The following BABAM2 variants were observed in gnomAD, a reference collection of about 807,000 sequenced individuals.
The protein encoded by BABAM2 is BRISC and BRCA1-A complex member 2.
A neutral mutation model predicts 54.7 loss-of-function variants in BABAM2; 31 were observed. That is an observed-to-expected ratio of 0.57 (90% CI 0.43 to 0.77). The LOEUF (loss-of-function observed/expected upper bound fraction) is 0.77, where lower values mean the gene tolerates loss of function less well. BABAM2 is among the 30% of genes least tolerant of loss of function. BABAM2 has a pLI of 0.00. For missense variants in BABAM2, 364 were observed against 455.8 expected, an observed-to-expected ratio of 0.80 and a Z score of 1.83; for synonymous variants, 167 against 162.9, an observed-to-expected ratio of 1.03 and a Z score of -0.19.
intron 10 of BABAM2, among the ~76,000 whole-genome samples, chr2:28,259,106 T>TTTTTTTC (rs1553352395): frequency 2.7e-5 from 3 of 109,634 alleles, no homozygotes; most frequent in Non-Finnish European, 3.8e-5. Flanking sequence ...TTTTTTTTTT[T>TTTTTTTC]CAGACTGAGT....
chr2:28,147,303 T>G (rs1334375236), intron 7 of BABAM2, among the ~76,000 whole-genome samples: 1 of 152,218 alleles, frequency 6.6e-6, no homozygotes, highest in Non-Finnish European at 1.5e-5. Flanking sequence ...AATGTTCTTT[T>G]ACATCATTTG....
chr2:27,889,786 T>G (rs1664671606), upstream of BABAM2, among the ~76,000 whole-genome samples: 1 of 152,234 alleles, frequency 6.6e-6, no homozygotes, highest in Non-Finnish European at 1.5e-5. Context: ...CATTATTTTA[T>G]ACAATAAGCT....
At chr2:28,224,794 T>A (rs1334549858) in intron 7 of BABAM2, among the ~76,000 whole-genome samples, 1 of 147,698 alleles carries the variant, frequency 6.8e-6, no homozygotes, top group African/African-American at 2.5e-5. Context: ...CACCACATTG[T>A]TAGCACGATA....
chr2:28,199,211 G>A (rs1677981227), intron 7 of BABAM2, among the ~76,000 whole-genome samples: 1 of 152,240 alleles, frequency 6.6e-6, no homozygotes, highest in African/African-American at 2.4e-5. Context: ...CCAGAAGCAA[G>A]GTGGCGTGTG....
At chr2:28,233,290 C>G (rs1478739642) in intron 7 of BABAM2, 1 of 471,072 alleles carries the variant, frequency 2.1e-6, no homozygotes, top group Admixed American at 2.3e-5. Context: ...TCAGGCCCTG[C>G]CTTCTCTTCA....
At chr2:27,989,496 A>T (rs966895426) in intron 4 of BABAM2, among the ~76,000 whole-genome samples, 4 of 152,210 alleles carry the variant, frequency 2.6e-5, no homozygotes, top group Admixed American at 6.5e-5. Context: ...TGTATTTCAG[A>T]AGGCACTGAC....
chr2:28,145,812 G>A (rs990026682), intron 7 of BABAM2, among the ~76,000 whole-genome samples: 7 of 152,148 alleles, frequency 4.6e-5, no homozygotes, highest in Admixed American at 4.6e-4. Context: ...GACATTTTAT[G>A]TAAGTGGAAT....
intron 11 of BABAM2, among the ~76,000 whole-genome samples, chr2:28,311,178 G>A (rs1487204384): frequency 4.0e-5 from 6 of 148,386 alleles, no homozygotes; most frequent in South Asian, 4.3e-4. Flanking sequence ...GGAGAATGGC[G>A]TGAACCCGGG....
chr2:27,936,915 T>A (rs112763076), intron 3 of BABAM2, among the ~76,000 whole-genome samples: 11,174 of 152,074 alleles, frequency 0.073, 674 homozygotes, highest in African/African-American at 0.16. Flanking sequence ...AACCTGCACA[T>A]TGTGTACATG....
chr2:28,188,180 T>C (rs937460669), intron 7 of BABAM2, among the ~76,000 whole-genome samples: 1 of 152,154 alleles, frequency 6.6e-6, no homozygotes, highest in African/African-American at 2.4e-5. Flanking sequence ...TCTAGAAGGC[T>C]CCCATGCCAT....
At chr2:28,269,541 G>C (rs1051680828) in intron 10 of BABAM2, among the ~76,000 whole-genome samples, 2 of 152,210 alleles carry the variant, frequency 1.3e-5, no homozygotes, top group African/African-American at 4.8e-5. Flanking sequence ...CTAGTTGGGA[G>C]TGACTTTCGG....
chr2:27,920,126 G>A (rs543158871), intron 2 of BABAM2, among the ~76,000 whole-genome samples: 4 of 152,232 alleles, frequency 2.6e-5, no homozygotes, highest in South Asian at 2.1e-4. Flanking sequence ...CAAATGCATA[G>A]CCCCATTCCC....
intron 6 of BABAM2, among the ~76,000 whole-genome samples, chr2:28,093,809 A>G (rs1666366535): frequency 6.6e-6 from 1 of 152,226 alleles, no homozygotes; most frequent in Admixed American, 6.5e-5. Context: ...TTAGTGAGGG[A>G]AACAGATAAG....
At position 27,933,452 on chromosome 2, in the gene BABAM2, T is replaced by G. The variant is rs537164633; in HGVS notation, c.205+3544T>G. 4.0e-4 allele frequency among the ~76,000 whole-genome samples: 60 copies of G among 149,098 alleles called. 2 individuals are homozygous for G. In the East Asian group the frequency reaches 7.0e-3, roughly 17 times the overall value. ...AAGTTCATAGAATTAGAAAGATGAG[T>G]TTTTTTTTTAAAAAACACATATATA... On this transcript the variant is annotated intron_variant, in intron 3 of 11. Transcript: ENST00000379624.
intron 6 of BABAM2, among the ~76,000 whole-genome samples, chr2:28,070,102 A>G (rs1663985358): frequency 1.3e-5 from 2 of 152,234 alleles, no homozygotes; most frequent in African/African-American, 4.8e-5. Context: ...ATCAAATCCA[A>G]TTTGAGATAT....
At chr2:27,907,500 G>A (rs1442210812) in intron 2 of BABAM2, among the ~76,000 whole-genome samples, 2 of 151,784 alleles carry the variant, frequency 1.3e-5, no homozygotes, top group Admixed American at 6.6e-5. Flanking sequence ...TTTGGGCTTG[G>A]CACATTATGT....
chr2:27,897,312 G>A (rs1457040240), intron 2 of BABAM2: 1 of 152,196 alleles, frequency 6.6e-6, no homozygotes. Flanking sequence ...TAAGAATACT[G>A]AGTTAACGTT....
At chr2:28,299,576 C>T (rs1306316114) in intron 11 of BABAM2, among the ~76,000 whole-genome samples, 8 of 152,180 alleles carry the variant, frequency 5.3e-5, no homozygotes, top group Admixed American at 3.9e-4. Flanking sequence ...TTCATTTGCT[C>T]ATCCAGTATT....
intron 2 of BABAM2, among the ~76,000 whole-genome samples, chr2:27,918,478 T>C (rs1293872287): frequency 3.3e-5 from 5 of 152,092 alleles, no homozygotes; most frequent in African/African-American, 4.8e-5. Context: ...ATATGTATAG[T>C]ATTGTATATA....
Sources: gnomAD v4.1 joint callset for allele counts (sites outside exome capture counted in the v4.1 genomes callset) on GRCh38, gnomAD v4.1.1 for gene constraint, MANE v1.5 for transcripts, NCBI Gene and HGNC (gene_info 2026-07-23, HGNC 2026-07-21) for gene names.